The following SPAG16 variants were observed in gnomAD, a reference collection of about 807,000 sequenced individuals.
SPAG16 encodes the protein sperm associated antigen 16.
A neutral mutation model predicts 80.4 loss-of-function variants in SPAG16; 86 were observed. The ratio of observed to expected loss-of-function variants is 1.07; its 90% CI spans 0.90 to 1.28. SPAG16 has a LOEUF of 1.28. SPAG16 is among the 50% of genes most tolerant of loss of function. The probability of loss-of-function intolerance (pLI) is 0.00; values close to 1 mark genes in which losing one functional copy is unlikely to be tolerated. For synonymous variants in SPAG16, 294 were observed against 265.9 expected (o/e 1.11, Z -1.03); for missense variants, 870 against 765.3 (o/e 1.14, Z -1.61).
intron 1 of SPAG16, among the ~76,000 whole-genome samples, chr2:213,294,760 CTG>C (rs1407218422): frequency 1.3e-5 from 2 of 152,136 alleles, no homozygotes; most frequent in Non-Finnish European, 2.9e-5. Context: ...GTTTAGATCT[CTG>C]TGGAAAATAA....
chr2:213,736,250 G>T (rs891412042), intron 10 of SPAG16, among the ~76,000 whole-genome samples: 1 of 152,144 alleles, frequency 6.6e-6, no homozygotes, highest in African/African-American at 2.4e-5. Flanking sequence ...TAAAGATAAT[G>T]ATGATGACAT....
At chr2:214,302,084 A>C (rs933964461) in intron 15 of SPAG16, among the ~76,000 whole-genome samples, 1 of 152,114 alleles carries the variant, frequency 6.6e-6, no homozygotes, top group Non-Finnish European at 1.5e-5. Flanking sequence ...GTACTTATAC[A>C]GTTTTGATAG....
chr2:214,366,462 G>A (rs937064828), intron 15 of SPAG16, among the ~76,000 whole-genome samples: 4 of 152,084 alleles, frequency 2.6e-5, no homozygotes, highest in South Asian at 4.1e-4. Flanking sequence ...CTTAGAGAAC[G>A]ATTACTCAAC....
At chr2:214,351,376 T>TTGTGTGTG (rs1553562596) in intron 15 of SPAG16, among the ~76,000 whole-genome samples, 7 of 151,322 alleles carry the variant, frequency 4.6e-5, no homozygotes, top group African/African-American at 1.7e-4. Context: ...ACAGATAGGA[T>TTGTGTGTG]TGTCTGTGTG....
intron 15 of SPAG16, among the ~76,000 whole-genome samples, chr2:214,293,745 G>A (rs1359636818): frequency 6.6e-6 from 1 of 152,174 alleles, no homozygotes; most frequent in East Asian, 1.9e-4. Flanking sequence ...CTTGGGACAT[G>A]TGAAAGTTCC....
chr2:214,099,589 C>T (rs893055346), intron 13 of SPAG16, among the ~76,000 whole-genome samples: 3 of 151,934 alleles, frequency 2.0e-5, no homozygotes, highest in African/African-American at 7.2e-5. Flanking sequence ...AAGGTAGATA[C>T]ATGAGACAGT....
chr2:213,622,728 A>G (rs1383634110), intron 10 of SPAG16, among the ~76,000 whole-genome samples: 1 of 152,202 alleles, frequency 6.6e-6, no homozygotes, highest in African/African-American at 2.4e-5. Flanking sequence ...GCATGATATA[A>G]AATCCAGAGA....
chr2:214,148,670 TGC>T (rs2055788108), intron 14 of SPAG16, among the ~76,000 whole-genome samples: 1 of 6,464 alleles, frequency 1.5e-4, no homozygotes, highest in Admixed American at 3.8e-3. Flanking sequence ...AAATTATCAA[TGC>T]TAACTAACTG....
intron 12 of SPAG16, among the ~76,000 whole-genome samples, chr2:214,008,263 C>T (rs1258575092): frequency 6.6e-6 from 1 of 151,934 alleles, no homozygotes; most frequent in East Asian, 1.9e-4. Context: ...TATCTGTGCA[C>T]CCATTATAAC....
At chr2:213,424,734 C>G (rs2069803067) in intron 9 of SPAG16, among the ~76,000 whole-genome samples, 2 of 152,144 alleles carry the variant, frequency 1.3e-5, no homozygotes, top group Non-Finnish European at 2.9e-5. Context: ...TGCTATAGTC[C>G]TTACATTTTT....
Position 214,351,836 on chromosome 2 carries a change from C to A in SPAG16, c.1721-58304C>A, listed in dbSNP as rs78129327. Among the ~76,000 whole-genome samples the A allele has an allele frequency of 3.2e-3, 66 of 20,462 alleles. No individual in the cohort carries two copies. In the South Asian group the frequency reaches 0.13, roughly 41 times the overall value. The allele number at this position is 20,462 out of a possible 152,430, so 13.4% of individuals were successfully genotyped here. ...ATGAACGTATATTCTATTTGACACA[C>A]AAAAAAAATATACTGTCTTTTTCAA... On this transcript the variant is annotated intron_variant, in intron 15 of 15. Coordinates refer to ENST00000331683, the MANE Select transcript of SPAG16 (RefSeq NM_024532.5).
At chr2:214,102,670 C>T (rs555180090) in intron 13 of SPAG16, among the ~76,000 whole-genome samples, 8 of 152,140 alleles carry the variant, frequency 5.3e-5, no homozygotes, top group Middle Eastern at 3.4e-3. Flanking sequence ...TGGAAGAGAT[C>T]AGAGTTACCC....
At position 213,746,855 on chromosome 2, in the gene SPAG16, C is replaced by T. The variant is rs552964376; in HGVS notation, c.1071-115630C>T. Among the ~76,000 whole-genome samples the T allele has an allele frequency of 1.9e-4, 29 of 152,146 alleles. 1 individual carries two copies. Among genetic ancestry groups the T allele is most frequent in the Non-Finnish European group, 3.1e-4 (21 of 67,988 alleles). On this transcript the variant is annotated intron_variant, in intron 10 of 15. Transcript: ENST00000331683. Reference sequence around the variant, plus strand: ...ATAGCACATATGATTGTGTACAATACGTAATACCTGATAGTGATAATAGAT... The same window carrying T: ...ATAGCACATATGATTGTGTACAATATGTAATACCTGATAGTGATAATAGAT...
At chr2:213,911,794 A>G (rs1406074227) in intron 11 of SPAG16, among the ~76,000 whole-genome samples, 3 of 150,636 alleles carry the variant, frequency 2.0e-5, no homozygotes, top group African/African-American at 4.9e-5. Context: ...ATTAGAAAGC[A>G]GAGAACAATT....
intron 10 of SPAG16, among the ~76,000 whole-genome samples, chr2:213,630,200 A>C (rs186045421): frequency 1.8e-4 from 28 of 152,282 alleles, no homozygotes; most frequent in Non-Finnish European, 1.5e-5. Flanking sequence ...CCTAGCGAAC[A>C]TGGTGAAACC....
chr2:214,385,919 A>C (rs563654875), intron 15 of SPAG16, among the ~76,000 whole-genome samples: 1 of 152,340 alleles, frequency 6.6e-6, no homozygotes, highest in East Asian at 1.9e-4. Context: ...GCACAGATCC[A>C]AATCTGAAGT....
chr2:213,722,157 A>G (rs2066560908), intron 10 of SPAG16, among the ~76,000 whole-genome samples: 2 of 152,242 alleles, frequency 1.3e-5, no homozygotes, highest in South Asian at 4.1e-4. Flanking sequence ...ATAAAGAATT[A>G]AAAATGGGAG....
intron 10 of SPAG16, among the ~76,000 whole-genome samples, chr2:213,741,370 G>A (rs1014189278): frequency 2.0e-5 from 3 of 152,078 alleles, no homozygotes; most frequent in Non-Finnish European, 2.9e-5. Flanking sequence ...AATCCAATCA[G>A]TATTCTCTAC....
chr2:213,712,910 A>G (rs903955474), intron 10 of SPAG16, among the ~76,000 whole-genome samples: 2 of 152,172 alleles, frequency 1.3e-5, no homozygotes, highest in African/African-American at 4.8e-5. Flanking sequence ...ACTGCTACGA[A>G]GAAATACCTG....
Sources: gnomAD v4.1 joint callset for allele counts (sites outside exome capture counted in the v4.1 genomes callset) on GRCh38, gnomAD v4.1.1 for gene constraint, MANE v1.5 for transcripts, NCBI Gene and HGNC (gene_info 2026-07-23, HGNC 2026-07-21) for gene names.